The following NAV3 variants were observed in gnomAD, a reference collection of about 807,000 sequenced individuals.
The protein encoded by NAV3 is pore membrane and/or filament interacting like protein 1.
NAV3 carries 87 observed loss-of-function variants against 244.7 expected under a neutral mutation model. The observed-to-expected ratio is 0.36, with a 90% CI of 0.30 to 0.42. NAV3 has a LOEUF of 0.42. NAV3 is among the 20% of genes least tolerant of loss of function. The pLI is 1.00. For missense variants in NAV3, 2,663 were observed against 2,893.3 expected, an observed-to-expected ratio of 0.92 and a Z score of 1.83; for synonymous variants, 1,126 against 1,042.2, an observed-to-expected ratio of 1.08 and a Z score of -1.55.
chr12:78,106,774 G>T (rs1954823770), intron 12 of NAV3, among the ~76,000 whole-genome samples: 1 of 152,090 alleles, frequency 6.6e-6, no homozygotes, highest in Admixed American at 6.6e-5. Flanking sequence ...GCCAACAGAG[G>T]TACCACTGTA....
chr12:77,968,828 T>C, intron 5 of NAV3, 126 bp downstream of exon 5: 1 of 916,134 alleles, frequency 1.1e-6, no homozygotes. Context: ...ATGGGATTAT[T>C]TGACTTGTGT....
At chr12:77,596,470 T>G (rs1870173757) in intron 2 of NAV3, among the ~76,000 whole-genome samples, 1 of 152,154 alleles carries the variant, frequency 6.6e-6, no homozygotes, top group Non-Finnish European at 1.5e-5. Flanking sequence ...CTCACATTTC[T>G]AAAATATCGA....
chr12:78,014,083 T>C (rs913702372), intron 8 of NAV3, among the ~76,000 whole-genome samples: 2 of 152,070 alleles, frequency 1.3e-5, no homozygotes, highest in African/African-American at 4.8e-5. Flanking sequence ...TTCTACATGC[T>C]TTCAAGGACA....
At chr12:77,762,926 C>A (rs1869558011) in intron 2 of NAV3, among the ~76,000 whole-genome samples, 1 of 152,190 alleles carries the variant, frequency 6.6e-6, no homozygotes, top group Admixed American at 6.6e-5. Flanking sequence ...TTCCTGCACA[C>A]AATTGTAATC....
intron 2 of NAV3, among the ~76,000 whole-genome samples, chr12:77,714,301 AC>A (rs1237593723): frequency 1.3e-5 from 2 of 152,122 alleles, no homozygotes; most frequent in African/African-American, 4.8e-5. Flanking sequence ...TCTATCCTAT[AC>A]AAAAATTTAC....
chr12:78,152,544 C>G (rs1957115779), intron 22 of NAV3, among the ~76,000 whole-genome samples: 1 of 151,734 alleles, frequency 6.6e-6, no homozygotes, highest in Non-Finnish European at 1.5e-5. Flanking sequence ...TTTATAATGT[C>G]ATTTTAGATT....
chr12:77,742,631 A>C (rs1190798782), intron 2 of NAV3, among the ~76,000 whole-genome samples: 1 of 152,100 alleles, frequency 6.6e-6, no homozygotes, highest in Non-Finnish European at 1.5e-5. Flanking sequence ...AAATGTATCA[A>C]AACTTGTGCA....
intron 5 of NAV3, among the ~76,000 whole-genome samples, chr12:77,991,939 G>A (rs1007678900): frequency 1.3e-5 from 2 of 152,054 alleles, no homozygotes; most frequent in Non-Finnish European, 2.9e-5. Flanking sequence ...GCTGAGGCAA[G>A]AGAACTGCTT....
chr12:78,003,490 T>G (rs1873679681), intron 7 of NAV3, among the ~76,000 whole-genome samples: 1 of 152,200 alleles, frequency 6.6e-6, no homozygotes, highest in East Asian at 1.9e-4. Context: ...CTTATTATAT[T>G]TCAGAGTTGG....
intron 12 of NAV3, among the ~76,000 whole-genome samples, chr12:78,064,426 T>TCTGCCTGCCTGCCTGC (rs1555273018): frequency 1.1e-4 from 15 of 136,194 alleles, no homozygotes; most frequent in Admixed American, 3.0e-4. Flanking sequence ...TGTCTGTCTG[T>TCTGCCTGCCTGCCTGC]CTGCCTGCCT....
chr12:77,781,132 C>A (rs1222556713), intron 2 of NAV3, among the ~76,000 whole-genome samples: 1 of 152,102 alleles, frequency 6.6e-6, no homozygotes, highest in Non-Finnish European at 1.5e-5. Flanking sequence ...AAGGTGTTGA[C>A]CAGGACCAAG....
At chr12:78,025,622 A>G (rs1441123147) in intron 9 of NAV3, among the ~76,000 whole-genome samples, 1 of 144,844 alleles carries the variant, frequency 6.9e-6, no homozygotes, top group Non-Finnish European at 1.5e-5. Flanking sequence ...AAAAAAAAAA[A>G]AGAAATTTGA....
intron 2 of NAV3, among the ~76,000 whole-genome samples, chr12:77,696,112 A>C (rs1875283792): frequency 6.6e-6 from 1 of 152,126 alleles, no homozygotes; most frequent in African/African-American, 2.4e-5. Flanking sequence ...AGATGCCCCA[A>C]ACTACATGTG....
intron 2 of NAV3, 33 bp from the exon 3 acceptor site, chr12:77,941,048 T>C: frequency 7.0e-7 from 1 of 1,428,908 alleles, no homozygotes. Context: ...GTCGTTCTTT[T>C]TTTCTCTCTT....
intron 25 of NAV3, among the ~76,000 whole-genome samples, chr12:78,175,739 T>G (rs1958193740): frequency 7.8e-6 from 1 of 127,962 alleles, no homozygotes; most frequent in Non-Finnish European, 1.7e-5. Context: ...TTCACAGATG[T>G]TATCTAATTT....
intron 2 of NAV3, among the ~76,000 whole-genome samples, chr12:77,605,842 G>GA (rs34707696): frequency 0.058 from 8,128 of 139,586 alleles, 263 homozygotes; most frequent in African/African-American, 0.086. Context: ...TCCGTCTCAA[G>GA]AAAAAAAAAA....
chr12:78,059,769 A>G (rs1884059440), intron 12 of NAV3, among the ~76,000 whole-genome samples: 1 of 151,980 alleles, frequency 6.6e-6, no homozygotes, highest in Non-Finnish European at 1.5e-5. Context: ...TTAGAAAGAA[A>G]CTCTGGTTAA....
chr12:78,198,261 A>T (rs554066835), intron 35 of NAV3, among the ~76,000 whole-genome samples: 2 of 152,058 alleles, frequency 1.3e-5, no homozygotes, highest in East Asian at 3.9e-4. Context: ...TTAAAATAGT[A>T]AAAGTTAATA....
intron 2 of NAV3, among the ~76,000 whole-genome samples, chr12:77,766,735 G>GTTTGTTTGTTTTTTTTTTTTTTT (rs1555202961): frequency 3.3e-5 from 2 of 60,516 alleles, no homozygotes; most frequent in Non-Finnish European, 3.0e-5. Flanking sequence ...AGGCAATTAA[G>GTTTGTTTGTTTTTTTTTTTTTTT]TTTTTTTTTT....
Sources: allele counts gnomAD v4.1 joint callset (sites outside exome capture counted in the v4.1 genomes callset), GRCh38; gene constraint gnomAD v4.1.1; transcripts MANE v1.5; gene names NCBI Gene and HGNC (gene_info 2026-07-23, HGNC 2026-07-21).